Variants in CATSPERE observed in about 807,000 individuals in gnomAD.
CATSPERE encodes catsper channel auxiliary subunit epsilon, also known as cation channel sperm-associated auxiliary subunit epsilon.
A neutral mutation model predicts 114.1 loss-of-function variants in CATSPERE; 93 were observed. That is an observed-to-expected ratio of 0.81 (90% confidence interval 0.69 to 0.97). The LOEUF (loss-of-function observed/expected upper bound fraction) is 0.97, where lower values mean the gene tolerates loss of function less well. Among genes scored for constraint, CATSPERE ranks in the 50% least tolerant of loss-of-function variants. The pLI is 0.00. For synonymous variants in CATSPERE, 341 were observed against 384.1 expected (o/e 0.89, Z 1.31); for missense variants, 1,058 against 1,131.6 (o/e 0.93, Z 0.93).
intron 13 of CATSPERE, among the ~76,000 whole-genome samples, chr1:244,586,073 C>A (rs1666981111): frequency 6.6e-6 from 1 of 152,174 alleles, no homozygotes; most frequent in South Asian, 2.1e-4. Context: ...CTGTCCGGCT[C>A]CGTCTCTGCA....
At chr1:244,551,381 C>T (rs901998974) in intron 8 of CATSPERE, among the ~76,000 whole-genome samples, 2 of 152,134 alleles carry the variant, frequency 1.3e-5, no homozygotes, top group African/African-American at 4.8e-5. Flanking sequence ...TAACTACCTT[C>T]TGGAAAACTA....
chr1:244,560,639 C>G (rs995318040), intron 9 of CATSPERE, 29 bp from the exon 10 acceptor site: 1 of 1,303,574 alleles, frequency 7.7e-7, no homozygotes, highest in African/African-American at 1.5e-5. Context: ...AATCGAAGAT[C>G]TTTCTCATCA....
intron 11 of CATSPERE, among the ~76,000 whole-genome samples, chr1:244,578,173 G>C (rs971188646): frequency 7.2e-5 from 11 of 152,166 alleles, no homozygotes; most frequent in Admixed American, 2.0e-4. Flanking sequence ...TTTGTTTTGA[G>C]ATGGAGTTTC....
intron 7 of CATSPERE, among the ~76,000 whole-genome samples, chr1:244,505,710 A>T (rs1369638976): frequency 6.6e-6 from 1 of 152,172 alleles, no homozygotes; most frequent in South Asian, 2.1e-4. Context: ...CGGGTGGCTT[A>T]AAAAACAGAA....
chr1:244,573,304 G>A lies in CATSPERE; in HGVS notation c.1950+532G>A, dbSNP rs553681821. On this transcript the variant is annotated intron_variant, in intron 11 of 21. Transcript: ENST00000366534. The surrounding 1 kb of genome is among the most constrained non-coding windows in gnomAD (Gnocchi z 4.0). ...CGGGTGCCTGTAGTCCCAGCTACTC[G>A]GGAGGCTGAGGCAGGAGAATGGTGT... Among the ~76,000 whole-genome samples, 9 of 151,954 alleles carry A rather than the reference G, an allele frequency of 5.9e-5. No individual in the cohort carries two copies. Among genetic ancestry groups the A allele is most frequent in the Admixed American group, 1.3e-4 (2 of 15,256 alleles).
chr1:244,588,561 T>G (rs1367046240), intron 14 of CATSPERE, 27 bp downstream of exon 14: 4 of 1,551,200 alleles, frequency 2.6e-6, no homozygotes, highest in Non-Finnish European at 3.6e-6. Context: ...TTGACCTGTG[T>G]TACTCTTTAA....
chr1:244,625,430 A>T (rs192928530), intron 20 of CATSPERE, among the ~76,000 whole-genome samples: 738 of 4,294 alleles, frequency 0.17, 75 homozygotes, highest in Middle Eastern at 0.33. Context: ...ATATATATAT[A>T]TATTTTTTTT....
At chr1:244,467,212 T>A (rs1417954846) in intron 2 of CATSPERE, among the ~76,000 whole-genome samples, 2 of 152,190 alleles carry the variant, frequency 1.3e-5, no homozygotes, top group Non-Finnish European at 2.9e-5. Context: ...ATATTTATAA[T>A]TTGAACCAGG....
At chr1:244,511,005 G>A (rs999816691) in intron 7 of CATSPERE, among the ~76,000 whole-genome samples, 2 of 151,546 alleles carry the variant, frequency 1.3e-5, no homozygotes, top group African/African-American at 2.4e-5. Flanking sequence ...CAGCACACCT[G>A]GCTAATTTTG....
Position 244,461,277 on chromosome 1 carries a change from T to C in CATSPERE, c.-153T>C. The C allele has an allele frequency of 1.7e-6, 1 of 578,340 alleles. No individual in the cohort carries two copies. Among genetic ancestry groups the C allele is most frequent in the Non-Finnish European group, 2.6e-6 (1 of 390,388 alleles). 35.8% of individuals were successfully genotyped at this position (578,340 alleles called of 1,614,324 possible). A position where few individuals can be genotyped will look rare whatever the true frequency, so the allele number is the denominator to read the frequency against. ...GCGGCGCGCACGCGCACGCGCACAC[T>C]TCTCCCTCGCTGGTCTTCAGGCCCG... On this transcript the variant is annotated 5_prime_UTR_variant, in exon 1 of 22. Transcript: ENST00000366534.
intron 8 of CATSPERE, among the ~76,000 whole-genome samples, chr1:244,548,849 A>G (rs778096692): frequency 6.6e-6 from 1 of 152,044 alleles, no homozygotes; most frequent in Non-Finnish European, 1.5e-5. Context: ...AGGATTCTCA[A>G]CTCCAGGAGT....
At chr1:244,465,618 C>T (rs1667481355) in intron 2 of CATSPERE, among the ~76,000 whole-genome samples, 1 of 152,182 alleles carries the variant, frequency 6.6e-6, no homozygotes, top group South Asian at 2.1e-4. Context: ...CAATTCTACA[C>T]TCTCTTAACT....
Position 244,560,812 on chromosome 1 carries a change from G to C in CATSPERE, c.1174G>C (p.Asp392His), listed in dbSNP as rs766082139. Residue 392 changes from aspartate to histidine, a missense_variant, in exon 10 of 22, where the codon GAC (aspartate) becomes CAC (histidine). Asp to His is a moderately conservative substitution (Grantham distance 81). Coordinates refer to ENST00000366534, the MANE Select transcript of CATSPERE (RefSeq NM_001130957.2). ...SLSVTATLTIDRVEYTGHPLE... is the reference protein window; with the variant it reads ...SLSVTATLTIHRVEYTGHPLE... ...ATCGGTGACTGCTACTCTGACCATA[G>C]ACAGGGTTGAGTATACAGGACACCC... 10 of 1,614,040 alleles carry C rather than the reference G, an allele frequency of 6.2e-6. No homozygotes were observed. Among genetic ancestry groups the C allele is most frequent in the Non-Finnish European group, 8.5e-6 (10 of 1,179,982 alleles).
chr1:244,484,276 A>G (rs140808001), intron 5 of CATSPERE, among the ~76,000 whole-genome samples: 43 of 152,304 alleles, frequency 2.8e-4, no homozygotes, highest in African/African-American at 1.0e-3. Flanking sequence ...TATACATTCA[A>G]TGCAATCCCA....
intron 13 of CATSPERE, among the ~76,000 whole-genome samples, chr1:244,586,587 T>C (rs1667057217): frequency 6.6e-6 from 1 of 152,168 alleles, no homozygotes; most frequent in Admixed American, 6.5e-5. Flanking sequence ...AGCATGCCTT[T>C]GAAATGAAGA....
chr1:244,514,626 G>A (rs1466187465), intron 7 of CATSPERE, among the ~76,000 whole-genome samples: 1 of 152,062 alleles, frequency 6.6e-6, no homozygotes, highest in Non-Finnish European at 1.5e-5. Context: ...TCAGGAGATT[G>A]AGACTATCCT....
At chr1:244,465,279 C>T (rs574434182) in intron 2 of CATSPERE, among the ~76,000 whole-genome samples, 2 of 152,264 alleles carry the variant, frequency 1.3e-5, no homozygotes, top group South Asian at 2.1e-4. Flanking sequence ...CGTGATCCAC[C>T]AGCCTCGGCC....
chr1:244,516,509 T>C (rs9943261), intron 7 of CATSPERE, among the ~76,000 whole-genome samples: 1 of 150,538 alleles, frequency 6.6e-6, no homozygotes, highest in Non-Finnish European at 1.5e-5. Flanking sequence ...CACCGTGCCA[T>C]GCTAAAAGGG....
intron 21 of CATSPERE, among the ~76,000 whole-genome samples, chr1:244,638,314 T>C (rs1436355639): frequency 6.6e-6 from 1 of 152,228 alleles, no homozygotes; most frequent in East Asian, 1.9e-4. Context: ...GTCCTCATCT[T>C]ATTAGATCTT....
Sources: gnomAD v4.1 joint callset for allele counts (sites outside exome capture counted in the v4.1 genomes callset) on GRCh38, gnomAD v4.1.1 for gene constraint, Gnocchi (gnomAD v3.1) non-coding constraint, MANE v1.5 for transcripts, NCBI Gene and HGNC (gene_info 2026-07-23, HGNC 2026-07-21) for gene names.